The following OTUD7A variants were observed in gnomAD, a reference collection of about 807,000 sequenced individuals.
OTUD7A encodes OTU deubiquitinase 7A.
Under a neutral mutation model 65.7 loss-of-function variants are expected in OTUD7A, and 12 were observed. That is an observed-to-expected ratio of 0.18 (90% CI 0.12 to 0.30). The LOEUF (loss-of-function observed/expected upper bound fraction) is 0.30. Ranked by LOEUF, OTUD7A falls within the 10% of genes least tolerant of loss-of-function variation. The pLI, the probability that OTUD7A is intolerant of heterozygous loss-of-function variation, is 1.00. For missense variants in OTUD7A, 1,148 were observed against 1,304.8 expected, an observed-to-expected ratio of 0.88 and a Z score of 1.85; for synonymous variants, 641 against 586.3, an observed-to-expected ratio of 1.09 and a Z score of -1.35.
At chr15:31,704,084 A>G in intron 1 of OTUD7A, among the ~76,000 whole-genome samples, 1 of 125,156 alleles carries the variant, frequency 8.0e-6, no homozygotes, top group South Asian at 3.1e-4. Flanking sequence ...GTGGATATAA[A>G]GAGCAGCACT....
intron 1 of OTUD7A, among the ~76,000 whole-genome samples, chr15:31,842,742 G>C (rs890100307): frequency 6.6e-6 from 1 of 152,180 alleles, no homozygotes; most frequent in African/African-American, 2.4e-5. Context: ...CTGGGAAAGT[G>C]CCTGTAAATC....
chr15:31,833,302 G>A (rs1173990853), intron 1 of OTUD7A, among the ~76,000 whole-genome samples: 1 of 152,138 alleles, frequency 6.6e-6, no homozygotes, highest in East Asian at 1.9e-4. Flanking sequence ...CAACTCAAGT[G>A]ATCTCCCTAC....
intron 1 of OTUD7A, among the ~76,000 whole-genome samples, chr15:31,788,793 T>C (rs1390012605): frequency 6.6e-6 from 1 of 152,220 alleles, no homozygotes; most frequent in Non-Finnish European, 1.5e-5. Flanking sequence ...ATCCACAGCA[T>C]ACAGTAGATA....
intron 3 of OTUD7A, among the ~76,000 whole-genome samples, chr15:31,611,087 A>T (rs1890405756): frequency 6.6e-6 from 1 of 152,076 alleles, no homozygotes; most frequent in Admixed American, 6.6e-5. Context: ...GATGGAAATT[A>T]AAAAATTCTT....
intron 3 of OTUD7A, among the ~76,000 whole-genome samples, chr15:31,635,686 T>C (rs7183472): frequency 0.29 from 43,507 of 152,050 alleles, 7,310 homozygotes; most frequent in African/African-American, 0.47. Flanking sequence ...GATGCCTAAG[T>C]GGGGTTTGAA....
In OTUD7A at chr15:31,484,562, TCTC is replaced by T; in HGVS notation, c.1531_1533del (p.Glu511del). On this transcript the variant is annotated inframe_deletion, in exon 13 of 13. Coordinates refer to ENST00000307050, the MANE Select transcript of OTUD7A (RefSeq NM_001382637.1). This position sits in a 1 kb window ranked among gnomAD's most constrained non-coding sequence, Gnocchi z 4.5. ...ACGGAGTCGGCGCGCGTCTTGTCCT[TCTC>T]CTTGCGCTGCTTCTCCTTCTCCTTG... The T allele has an allele frequency of 1.2e-6, 2 of 1,611,364 alleles. No individual in the cohort carries two copies. The highest frequency in any genetic ancestry group is 1.7e-6 in the Non-Finnish European group (2 of 1,179,738).
intron 1 of OTUD7A, among the ~76,000 whole-genome samples, chr15:31,680,150 G>T (rs1433650158): frequency 6.6e-6 from 1 of 152,210 alleles, no homozygotes; most frequent in African/African-American, 2.4e-5. Context: ...CTGGTGAAGT[G>T]AAATTGGTAG....
At chr15:31,621,056 T>C (rs1034456942) in intron 3 of OTUD7A, among the ~76,000 whole-genome samples, 9 of 150,292 alleles carry the variant, frequency 6.0e-5, no homozygotes, top group African/African-American at 2.0e-4. Flanking sequence ...GGTTGTTCAG[T>C]TTCCATGTAG....
chr15:31,621,640 A>G (rs1361708125), intron 3 of OTUD7A, among the ~76,000 whole-genome samples: 1 of 151,392 alleles, frequency 6.6e-6, no homozygotes, highest in South Asian at 2.1e-4. Context: ...CCATCCCTTT[A>G]TTTTGAGCCT....
intron 1 of OTUD7A, among the ~76,000 whole-genome samples, chr15:31,671,498 C>T (rs765361849): frequency 6.6e-6 from 1 of 152,100 alleles, no homozygotes; most frequent in Admixed American, 6.5e-5. Flanking sequence ...TGGGTAGTGA[C>T]ACACACGTTT....
At chr15:31,616,803 C>T (rs554097599) in intron 3 of OTUD7A, among the ~76,000 whole-genome samples, 2 of 152,262 alleles carry the variant, frequency 1.3e-5, no homozygotes, top group African/African-American at 4.8e-5. Context: ...CTCGGCCTCC[C>T]AAAGTGCTGG....
chr15:31,570,184 G>T lies in OTUD7A; in HGVS notation c.165C>A (p.Asp55Glu). 1 of 1,614,092 alleles carries T rather than the reference G, an allele frequency of 6.2e-7. No homozygotes were observed. The highest frequency in any genetic ancestry group is 8.5e-7 in the Non-Finnish European group (1 of 1,179,966). Residue 55 changes from aspartate (D) to glutamate (E), a missense_variant, in exon 4 of 13, where the codon GAC (aspartate) becomes GAA (glutamate). Transcript: ENST00000307050. ...ARDLLEGKNW[D>E]LTAALSDYEQ... is the part of the protein sequence containing the mutation. ...CATAGTCGCTCAGAGCGGCTGTCAG[G>T]TCCCAGTTTTTGCCTGTGGACAAGA...
At chr15:31,493,216 T>C (rs1033508287) in intron 10 of OTUD7A, among the ~76,000 whole-genome samples, 3 of 151,630 alleles carry the variant, frequency 2.0e-5, no homozygotes, top group African/African-American at 4.8e-5. Context: ...AGATATTCAC[T>C]AATGGAAAGA....
intron 1 of OTUD7A, among the ~76,000 whole-genome samples, chr15:31,748,415 A>T (rs1421249815): frequency 1.3e-5 from 2 of 151,230 alleles, no homozygotes; most frequent in Admixed American, 1.3e-4. Flanking sequence ...TATATATTTT[A>T]TATATATGAC....
chr15:31,829,937 C>T (rs1896890900), intron 1 of OTUD7A, among the ~76,000 whole-genome samples: 1 of 152,196 alleles, frequency 6.6e-6, no homozygotes, highest in African/African-American at 2.4e-5. Context: ...GTGGTAGCCT[C>T]TTCTTGCCCT....
chr15:31,756,206 C>T (rs1342591972), intron 1 of OTUD7A, among the ~76,000 whole-genome samples: 1 of 152,240 alleles, frequency 6.6e-6, no homozygotes, highest in Non-Finnish European at 1.5e-5. Flanking sequence ...TCTTTCTAAA[C>T]ACAGAATAAC....
intron 3 of OTUD7A, among the ~76,000 whole-genome samples, chr15:31,616,847 T>A (rs1207900982): frequency 6.6e-6 from 1 of 152,164 alleles, no homozygotes; most frequent in Non-Finnish European, 1.5e-5. Context: ...CCCAACCAGC[T>A]TTTACATTTT....
intron 1 of OTUD7A, among the ~76,000 whole-genome samples, chr15:31,688,947 A>C (rs1000909784): frequency 5.3e-5 from 8 of 152,230 alleles, no homozygotes; most frequent in Admixed American, 4.6e-4. Context: ...TTATGCTCTC[A>C]GTCAGATTAA....
Position 31,777,885 on chromosome 15 carries a change from T to C in OTUD7A, c.-100+92622A>G, listed in dbSNP as rs1167301288. On this transcript the variant is annotated intron_variant, in intron 1 of 12. Transcript: ENST00000307050. ...AGAGCAAAGAACACAAGCGGCTGCA[T>C]TTGCAAGCACCCAAGGCAGTGGCAG... Among the ~76,000 whole-genome samples the C allele has an allele frequency of 2.0e-5, 3 of 152,158 alleles. No individual in the cohort carries two copies. The East Asian group carries it at 5.8e-4, about 29-fold the overall frequency.
Sources: allele counts gnomAD v4.1 joint callset (sites outside exome capture counted in the v4.1 genomes callset), GRCh38; gene constraint gnomAD v4.1.1; non-coding constraint Gnocchi (gnomAD v3.1); transcripts MANE v1.5; gene names NCBI Gene and HGNC (gene_info 2026-07-23, HGNC 2026-07-21).